TMEM42: variants seen among roughly 807,000 people sequenced by gnomAD.
TMEM42 encodes the protein transmembrane protein 42.
Under a neutral mutation model 14.0 loss-of-function variants are expected in TMEM42, and 8 were observed. The observed-to-expected ratio is 0.57, with a 90% confidence interval of 0.34 to 1.03. The LOEUF (loss-of-function observed/expected upper bound fraction) is 1.03, where lower values mean the gene tolerates loss of function less well. TMEM42 is among the 50% of genes least tolerant of loss of function. The probability of loss-of-function intolerance (pLI) is 0.03; values close to 1 mark genes in which losing one functional copy is unlikely to be tolerated. For missense variants in TMEM42, 211 were observed against 219.8 expected, an observed-to-expected ratio of 0.96 and a Z score of 0.25; for synonymous variants, 115 against 94.3, an observed-to-expected ratio of 1.22 and a Z score of -1.27.
At chr3:44,864,119 A>G in intron 1 of TMEM42, 78 bp from the exon 2 acceptor site, 1 of 1,583,890 alleles carries the variant, frequency 6.3e-7, no homozygotes, top group Non-Finnish European at 8.6e-7. Context: ...CAGCAACCAC[A>G]GTCCTGGGTG....
Position 44,862,077 on chromosome 3 carries a change from C to T in TMEM42, c.153C>T (p.Ala51=), listed in dbSNP as rs759158512. The change falls in exon 1 of 3, where the codon GCC becomes GCT. Residue 51 remains alanine (A), a synonymous_variant. Coordinates refer to ENST00000302392, the MANE Select transcript of TMEM42 (RefSeq NM_144638.3). ...FNCLCAGAFG[A]LAAASAKLAF... The stretch of plus-strand genomic sequence containing the variant: ...GTCTGTGCGCCGGCGCGTTCGGGGC[C>T]CTGGCCGCCGCCTCCGCCAAGCTGG... 4.6e-5 allele frequency: 59 copies of T among 1,286,638 alleles called. No homozygotes were observed. Among genetic ancestry groups the T allele is most frequent in the Non-Finnish European group, 5.7e-5 (58 of 1,010,500 alleles). 79.7% of individuals were successfully genotyped at this position (1,286,638 alleles called of 1,614,324 possible). A position where few individuals can be genotyped will look rare whatever the true frequency, so the allele number is the denominator to read the frequency against.
intron 2 of TMEM42, 57 bp from the exon 3 acceptor site, chr3:44,864,983 G>T (rs1051260166): frequency 3.1e-6 from 5 of 1,605,648 alleles, no homozygotes; most frequent in Non-Finnish European, 4.3e-6. Context: ...TCCCAGGAGA[G>T]TGAGGTTGTG....
At position 44,865,086 on chromosome 3, in the gene TMEM42, G is replaced by T. The variant is rs1406258113; in HGVS notation, c.386G>T (p.Trp129Leu). ...TATGGAGAGTGCCAGGAGGTCTTGT[G>T]GTGGGGAGGAGTGTTCCTTATTCTC... The part of the protein sequence containing the change: ...VLYGECQEVL[W>L]WGGVFLILCG... The change falls in exon 3 of 3, where the codon TGG (tryptophan) becomes TTG (leucine). Residue 129 changes from tryptophan (W) to leucine (L), a missense_variant. Coordinates refer to ENST00000302392, the MANE Select transcript of TMEM42 (RefSeq NM_144638.3). The T allele has an allele frequency of 6.2e-7, 1 of 1,614,178 alleles. No individual in the cohort carries two copies. The highest frequency in any genetic ancestry group is 1.1e-5 in the South Asian group (1 of 91,082).
chr3:44,865,327 T>C lies in TMEM42; in HGVS notation c.*147T>C. ...AGCAGGCCTCTGATGGAGCAGGCTC[T>C]GGCTCTGTAAGGAGAGGTGCAGCTG... On this transcript the variant is annotated 3_prime_UTR_variant, in exon 3 of 3. Coordinates refer to ENST00000302392, the MANE Select transcript of TMEM42 (RefSeq NM_144638.3). 2.8e-6 allele frequency: 3 copies of C among 1,079,708 alleles called. No homozygotes were observed. The highest frequency in any genetic ancestry group is 4.0e-6 in the Non-Finnish European group (3 of 744,034). The allele number at this position is 1,079,708 out of a possible 1,614,324, so 66.9% of individuals were successfully genotyped here.
At chr3:44,862,149 G>C in intron 1 of TMEM42, 33 bp downstream of exon 1, 1 of 1,062,194 alleles carries the variant, frequency 9.4e-7, no homozygotes, top group East Asian at 4.1e-5. Context: ...TGCTGCTGCT[G>C]CGGGCGGGCG....
intron 1 of TMEM42, 166 bp downstream of exon 1, chr3:44,862,282 G>A (rs1430594935): frequency 3.4e-6 from 1 of 297,908 alleles, no homozygotes; most frequent in Non-Finnish European, 5.0e-6. Context: ...GCCCCGGGCC[G>A]CGGGCGGCGC....
intron 1 of TMEM42, chr3:44,863,300 A>AAC (rs1699280294): frequency 5.7e-5 from 2 of 35,058 alleles, no homozygotes; most frequent in Non-Finnish European, 1.2e-4. Flanking sequence ...TAGATTCCGC[A>AAC]CCCCCCCCCC....
Position 44,864,359 on chromosome 3 carries a change from G to A in TMEM42, c.339+16G>A. 2 of 1,613,946 alleles carry A rather than the reference G, an allele frequency of 1.2e-6. No homozygotes were observed. Among genetic ancestry groups the A allele is most frequent in the Non-Finnish European group, 1.7e-6 (2 of 1,179,922 alleles). ...CCTCAGCTCGGTGAGTAGCCTGAGGGTGTGGTGCTCTTGTCCTAAATCTGG... is the reference window on the plus strand; with the variant it reads ...CCTCAGCTCGGTGAGTAGCCTGAGGATGTGGTGCTCTTGTCCTAAATCTGG... On this transcript the variant is annotated intron_variant, in intron 2 of 2. Coordinates refer to ENST00000302392, the MANE Select transcript of TMEM42 (RefSeq NM_144638.3).
At chr3:44,863,593 G>A (rs904877552) in intron 1 of TMEM42, 1 of 152,598 alleles carries the variant, frequency 6.6e-6, no homozygotes, top group Non-Finnish European at 1.5e-5. Context: ...CTTTAGGAAG[G>A]TTACTTAATG....
chr3:44,864,052 C>T, intron 1 of TMEM42, 145 bp from the exon 2 acceptor site: 3 of 876,674 alleles, frequency 3.4e-6, no homozygotes, highest in South Asian at 3.2e-5. Flanking sequence ...AAGCCCTGTG[C>T]AGGAAAGCTC....
At chr3:44,863,029 A>G (rs771899885) in intron 1 of TMEM42, 9 of 152,056 alleles carry the variant, frequency 5.9e-5, no homozygotes, top group Non-Finnish European at 1.0e-4. Context: ...GCTTTGTGTA[A>G]GACAAGGTTG....
intron 1 of TMEM42, 78 bp downstream of exon 1, chr3:44,862,194 G>A: frequency 4.4e-6 from 4 of 914,614 alleles, no homozygotes; most frequent in Non-Finnish European, 5.4e-6. Flanking sequence ...GGGGCGCTGC[G>A]GGGCCCGCGG....
rs190177861 is a variant in TMEM42 at position 44,865,036 on chromosome 3, G to A, written c.340-4G>A. 47 of 1,613,866 alleles carry A rather than the reference G, an allele frequency of 2.9e-5. No homozygotes were observed. The African/African-American group carries it at 3.1e-4, about 11-fold the overall frequency. ...AGTCCCTCACAGCTATCTTTGTCTC[G>A]CAGGCCTTCCTGGGCTATGTGCTGT... On this transcript the variant is annotated splice_region_variant and splice_polypyrimidine_tract_variant and intron_variant, in intron 2 of 2. Transcript: ENST00000302392.
chr3:44,865,429 G>A lies in TMEM42; in HGVS notation c.*249G>A. On this transcript the variant is annotated 3_prime_UTR_variant, in exon 3 of 3. Transcript: ENST00000302392. Reference sequence around the variant, plus strand: ...CTTCCTCCCAGGCCTACCCCAGTGAGCCTTCGCAGATGCTGGAGATCCTGG... The same window carrying A: ...CTTCCTCCCAGGCCTACCCCAGTGAACCTTCGCAGATGCTGGAGATCCTGG... The A allele has an allele frequency of 2.1e-6, 1 of 486,310 alleles. No homozygotes were observed. The highest frequency in any genetic ancestry group is 3.7e-6 in the Non-Finnish European group (1 of 272,938). The allele number at this position is 486,310 out of a possible 1,614,324, so 30.1% of individuals were successfully genotyped here.
At position 44,865,268 on chromosome 3, in the gene TMEM42, C is replaced by T; in HGVS notation, c.*88C>T. The T allele has an allele frequency of 6.4e-7, 1 of 1,551,126 alleles. No homozygotes were observed. Among genetic ancestry groups the T allele is most frequent in the Admixed American group, 1.7e-5 (1 of 58,370 alleles). ...TGTGGGACTGTATCCTAGGGCGATC[C>T]AGTTGTGCAGCCTTCTGACCATCAG... On this transcript the variant is annotated 3_prime_UTR_variant, in exon 3 of 3. Coordinates refer to ENST00000302392, the MANE Select transcript of TMEM42 (RefSeq NM_144638.3).
Position 44,865,421 on chromosome 3 carries a change from C to A in TMEM42, c.*241C>A. On this transcript the variant is annotated 3_prime_UTR_variant, in exon 3 of 3. Coordinates refer to ENST00000302392, the MANE Select transcript of TMEM42 (RefSeq NM_144638.3). ...TTTGGATTCTTCCTCCCAGGCCTAC[C>A]CCAGTGAGCCTTCGCAGATGCTGGA... The A allele has an allele frequency of 2.0e-6, 1 of 504,802 alleles. No homozygotes were observed. Among genetic ancestry groups the A allele is most frequent in the Non-Finnish European group, 3.5e-6 (1 of 286,104 alleles). The allele number at this position is 504,802 out of a possible 1,614,324, so 31.3% of individuals were successfully genotyped here.
rs1699303667 is a variant in TMEM42, at chr3:44,864,891, T to C, written c.340-149T>C. The C allele has an allele frequency of 2.9e-5, 29 of 992,944 alleles. No individual in the cohort carries two copies. The South Asian group carries it at 4.7e-4, about 16-fold the overall frequency. The allele number at this position is 992,944 out of a possible 1,614,324, so 61.5% of individuals were successfully genotyped here. On this transcript the variant is annotated intron_variant, in intron 2 of 2. Coordinates refer to ENST00000302392, the MANE Select transcript of TMEM42 (RefSeq NM_144638.3). ...TGCAGGGGAGATTGAATAGAGTGAC[T>C]TGATGAAGGTGACAGCTAGGTTTCA...
At chr3:44,862,206 G>A (rs1356553107) in intron 1 of TMEM42, 90 bp downstream of exon 1, 116 of 631,932 alleles carry the variant, frequency 1.8e-4, no homozygotes, top group Non-Finnish European at 2.1e-4. Flanking sequence ...GGCCCGCGGG[G>A]CTCTTGGGGT....
Position 44,862,080 on chromosome 3 carries a change from G to A in TMEM42, c.156G>A (p.Leu52=). The A allele has an allele frequency of 7.7e-7, 1 of 1,298,048 alleles. No individual in the cohort carries two copies. Among genetic ancestry groups the A allele is most frequent in the East Asian group, 2.9e-5 (1 of 34,118 alleles). The allele number at this position is 1,298,048 out of a possible 1,614,324, so 80.4% of individuals were successfully genotyped here. ...NCLCAGAFGA[L]AAASAKLAFG... Reference sequence around the variant, plus strand: ...TGTGCGCCGGCGCGTTCGGGGCCCTGGCCGCCGCCTCCGCCAAGCTGGCCT... The same window carrying A: ...TGTGCGCCGGCGCGTTCGGGGCCCTAGCCGCCGCCTCCGCCAAGCTGGCCT... Residue 52 remains leucine (L), a synonymous_variant, in exon 1 of 3, where the codon CTG becomes CTA. Transcript: ENST00000302392.
Sources: allele counts gnomAD v4.1 joint callset, GRCh38; gene constraint gnomAD v4.1.1; transcripts MANE v1.5; gene names NCBI Gene and HGNC (gene_info 2026-07-23, HGNC 2026-07-21).